Variants in ZYX observed in about 807,000 individuals in gnomAD.
ZYX encodes zyxin, also known as zyxin-2.
A neutral mutation model predicts 58.1 loss-of-function variants in ZYX; 37 were observed. The observed-to-expected ratio is 0.64, with a 90% confidence interval of 0.49 to 0.84. ZYX has a LOEUF of 0.84. ZYX is among the 40% of genes least tolerant of loss of function. The pLI, the probability that ZYX is intolerant of heterozygous loss-of-function variation, is 0.00. For missense variants in ZYX, 762 were observed against 761.6 expected, an observed-to-expected ratio of 1.00 and a Z score of -0.01; for synonymous variants, 324 against 321.1, an observed-to-expected ratio of 1.01 and a Z score of -0.10.
chr7:143,383,780 C>T (rs368285529), intron 5 of ZYX, among the ~76,000 whole-genome samples: 8 of 152,166 alleles, frequency 5.3e-5, no homozygotes, highest in Non-Finnish European at 7.4e-5. Flanking sequence ...GCATCCACCA[C>T]GTGCCAGGCA....
Position 143,384,370 on chromosome 7 carries a change from G to A in ZYX, c.1023+1048G>A, listed in dbSNP as rs1018987107. The A allele has an allele frequency of 1.2e-5, 5 of 424,862 alleles. 1 individual carries two copies. Among genetic ancestry groups the A allele is most frequent in the South Asian group, 5.1e-5 (3 of 58,754 alleles). 26.3% of individuals were successfully genotyped at this position (424,862 alleles called of 1,614,324 possible). A position where few individuals can be genotyped will look rare whatever the true frequency, so the allele number is the denominator to read the frequency against. On this transcript the variant is annotated intron_variant, in intron 5 of 9. Transcript: ENST00000322764. This position sits in a 1 kb window ranked among gnomAD's most constrained non-coding sequence, Gnocchi z 4.9. ...ATGTTTGGAGAACAGAAAGTGGAAG[G>A]TTCCTGTAGGAAAATGATAGAGCTA... is the stretch of plus-strand genomic sequence containing the variant.
In ZYX at chr7:143,388,703, C is replaced by A; in HGVS notation, c.1314+45C>A. On this transcript the variant is annotated intron_variant, in intron 7 of 9. Transcript: ENST00000322764. This position sits in a 1 kb window ranked among gnomAD's most constrained non-coding sequence, Gnocchi z 7.5. ...GCTGTGCTGGGCTGTGCTGGGCAGT[C>A]GGGCCCTGGAAGCTTGCTGTGGGGT... 6.2e-7 allele frequency: 1 copy of A among 1,607,092 alleles called. No homozygotes were observed.
In ZYX at chr7:143,382,640, C is replaced by T. The variant is rs2116559567; in HGVS notation, c.456C>T (p.Ser152=). Residue 152 remains serine, a synonymous_variant, in exon 4 of 10, where the codon TCC becomes TCT. Transcript: ENST00000322764. ...TTGATTTGGAGATCGACTCTCTGTC[C>T]TCACTGCTGGATGACATGACCAAGA... The part of the protein sequence containing the change: ...SSIDLEIDSL[S]SLLDDMTKND... The T allele has an allele frequency of 6.2e-6, 10 of 1,614,102 alleles. No homozygotes were observed. Among genetic ancestry groups the T allele is most frequent in the Admixed American group, 5.0e-5 (3 of 60,020 alleles).
In ZYX at chr7:143,382,319, CCG is replaced by C; in HGVS notation, c.282_283del (p.Pro95AlafsTer33). On this transcript the variant is annotated frameshift_variant, in exon 3 of 10. Coordinates refer to ENST00000322764, the MANE Select transcript of ZYX (RefSeq NM_003461.5). LOFTEE classifies it high-confidence loss of function. Reference sequence around the variant, plus strand: ...AGAGGGTGCTCTGGGAGGTGCCTTCCCGCCGCCCCCTCCCCCGATCGAGGAAT... The same window carrying C: ...AGAGGGTGCTCTGGGAGGTGCCTTCCCCGCCCCCTCCCCCGATCGAGGAAT... ...DAEGALGGAF[P>X]PPPPPIEESF... 1 of 1,609,942 alleles carries C rather than the reference CCG, an allele frequency of 6.2e-7. No homozygotes were observed. Among genetic ancestry groups the C allele is most frequent in the African/African-American group, 1.3e-5 (1 of 74,904 alleles).
In ZYX at chr7:143,390,215, C is replaced by T. The variant is rs989161293; in HGVS notation, c.1614+238C>T. ...TGGATAAGCCAAGAAATGGGACAAG[C>T]CAATAGGAGAGAAGAAGGGCATGGT... On this transcript the variant is annotated intron_variant, in intron 9 of 9. Coordinates refer to ENST00000322764, the MANE Select transcript of ZYX (RefSeq NM_003461.5). This position sits in a 1 kb window ranked among gnomAD's most constrained non-coding sequence, Gnocchi z 4.3. 7 of 569,842 alleles carry T rather than the reference C, an allele frequency of 1.2e-5. No homozygotes were observed. In the Admixed American group the frequency reaches 1.2e-4, roughly 10 times the overall value. 35.3% of individuals were successfully genotyped at this position (569,842 alleles called of 1,614,324 possible).
chr7:143,389,793 A>G lies in ZYX; in HGVS notation c.1494-64A>G. The G allele has an allele frequency of 6.3e-7, 1 of 1,596,852 alleles. No homozygotes were observed. The highest frequency in any genetic ancestry group is 8.5e-7 in the Non-Finnish European group (1 of 1,173,566). On this transcript the variant is annotated intron_variant, in intron 8 of 9. Coordinates refer to ENST00000322764, the MANE Select transcript of ZYX (RefSeq NM_003461.5). The surrounding 1 kb of genome is among the most constrained non-coding windows in gnomAD (Gnocchi z 5.6). ...GCTTCCTTGCTGCCCAACCTGGCTT[A>G]TGCGTGCGCACACCGGGGATGAAAG...
At chr7:143,381,528 G>C in intron 1 of ZYX, 29 bp from the exon 2 acceptor site, 1 of 1,584,754 alleles carries the variant, frequency 6.3e-7, no homozygotes, top group Non-Finnish European at 8.6e-7. Flanking sequence ...GCCCGGCTCC[G>C]CGCTGCGTAA....
chr7:143,389,734 T>C lies in ZYX; in HGVS notation c.1494-123T>C. 1 of 1,418,592 alleles carries C rather than the reference T, an allele frequency of 7.0e-7. No homozygotes were observed. The highest frequency in any genetic ancestry group is 9.5e-7 in the Non-Finnish European group (1 of 1,052,394). 87.9% of individuals were successfully genotyped at this position (1,418,592 alleles called of 1,614,324 possible). A position where few individuals can be genotyped will look rare whatever the true frequency, so the allele number is the denominator to read the frequency against. On this transcript the variant is annotated intron_variant, in intron 8 of 9. Transcript: ENST00000322764. This position sits in a 1 kb window ranked among gnomAD's most constrained non-coding sequence, Gnocchi z 5.6. ...TCACTCTTAGGCCCTTCTGGTGAGC[T>C]TCCTTCACCTGGAGATGCAGGGCAG...
chr7:143,390,192 G>A lies in ZYX; in HGVS notation c.1614+215G>A. On this transcript the variant is annotated intron_variant, in intron 9 of 9. Transcript: ENST00000322764. The surrounding 1 kb of genome is among the most constrained non-coding windows in gnomAD (Gnocchi z 4.3). The stretch of plus-strand genomic sequence containing the variant: ...GCTTCTGAGGTCACTTTGAGTCATG[G>A]ATAAGCCAAGAAATGGGACAAGCCA... The A allele has an allele frequency of 1.6e-6, 1 of 616,772 alleles. No individual in the cohort carries two copies. Among genetic ancestry groups the A allele is most frequent in the Non-Finnish European group, 2.8e-6 (1 of 360,908 alleles). 38.2% of individuals were successfully genotyped at this position (616,772 alleles called of 1,614,324 possible). A position where few individuals can be genotyped will look rare whatever the true frequency, so the allele number is the denominator to read the frequency against.
rs1324730006 is a variant in ZYX at position 143,390,516 on chromosome 7, G to T, written c.1615-62G>T. Reference sequence around the variant, plus strand: ...TCCAAGATGGAGCTGGATGGGGTGGGGTAGGGTGGAGCAGAGCAGGGGCCT... The same window carrying T: ...TCCAAGATGGAGCTGGATGGGGTGGTGTAGGGTGGAGCAGAGCAGGGGCCT... On this transcript the variant is annotated intron_variant, in intron 9 of 9. Coordinates refer to ENST00000322764, the MANE Select transcript of ZYX (RefSeq NM_003461.5). This position sits in a 1 kb window ranked among gnomAD's most constrained non-coding sequence, Gnocchi z 4.3. 3 of 1,234,552 alleles carry T rather than the reference G, an allele frequency of 2.4e-6. No homozygotes were observed. Among genetic ancestry groups the T allele is most frequent in the Non-Finnish European group, 3.5e-6 (3 of 864,178 alleles). The allele number at this position is 1,234,552 out of a possible 1,614,324, so 76.5% of individuals were successfully genotyped here.
chr7:143,382,479 G>A, intron 3 of ZYX, 32 bp downstream of exon 3: 1 of 1,590,974 alleles, frequency 6.3e-7, no homozygotes, highest in Non-Finnish European at 8.6e-7. Flanking sequence ...GGCTGCACTG[G>A]ACACCCCCAA....
chr7:143,382,248 A>G lies in ZYX; in HGVS notation c.209A>G (p.Asp70Gly), dbSNP rs536050297. 55 of 1,612,020 alleles carry G rather than the reference A, an allele frequency of 3.4e-5. 1 individual carries two copies. In the South Asian group the frequency reaches 4.7e-4, roughly 14 times the overall value. ...VGEIPPPPPE[D>G]FPLPPPPLAG... ...GACGTCTTTCTCCTTCCTACCCCAG[A>G]CTTTCCCCTGCCTCCACCTCCCCTT... The change falls in exon 3 of 10, where the codon GAC (aspartate) becomes GGC (glycine). Residue 70 changes from aspartate (D) to glycine (G), a missense_variant and splice_region_variant. By Grantham distance (94) the Asp-to-Gly change is moderately conservative (BLOSUM62 -1). Transcript: ENST00000322764.
chr7:143,385,658 A>ATTTTTTT (rs1804832372), intron 5 of ZYX, among the ~76,000 whole-genome samples: 1 of 80,568 alleles, frequency 1.2e-5, no homozygotes, highest in Non-Finnish European at 2.4e-5. Flanking sequence ...GGTGTGGTAT[A>ATTTTTTT]TCTTTTTTTT....
chr7:143,385,474 GTA>G (rs1457200416), intron 5 of ZYX, among the ~76,000 whole-genome samples: 4 of 151,678 alleles, frequency 2.6e-5, no homozygotes, highest in Admixed American at 6.6e-5. Flanking sequence ...TTGTGTGAAA[GTA>G]TGTGTATATG....
At position 143,388,705 on chromosome 7, in the gene ZYX, G is replaced by A. The variant is rs1275432623; in HGVS notation, c.1314+47G>A. 4.4e-6 allele frequency: 7 copies of A among 1,607,552 alleles called. No homozygotes were observed. The highest frequency in any genetic ancestry group is 5.9e-6 in the Non-Finnish European group (7 of 1,176,740). ...TGTGCTGGGCTGTGCTGGGCAGTCG[G>A]GCCCTGGAAGCTTGCTGTGGGGTGC... On this transcript the variant is annotated intron_variant, in intron 7 of 9. Coordinates refer to ENST00000322764, the MANE Select transcript of ZYX (RefSeq NM_003461.5). This position sits in a 1 kb window ranked among gnomAD's most constrained non-coding sequence, Gnocchi z 7.5.
rs538628292 is a variant in ZYX, at chr7:143,390,383, T to C, written c.1615-195T>C. 101 of 593,022 alleles carry C rather than the reference T, an allele frequency of 1.7e-4. No individual in the cohort carries two copies. The highest frequency in any genetic ancestry group is 1.6e-3 in the African/African-American group (84 of 53,774). 36.7% of individuals were successfully genotyped at this position (593,022 alleles called of 1,614,324 possible). A position where few individuals can be genotyped will look rare whatever the true frequency, so the allele number is the denominator to read the frequency against. On this transcript the variant is annotated intron_variant, in intron 9 of 9. Transcript: ENST00000322764. This position sits in a 1 kb window ranked among gnomAD's most constrained non-coding sequence, Gnocchi z 4.3. ...GCAGCTCTACCCACTGCTTGCCCTC[T>C]TGCAGGAAGGTCCTAGTGGGTGACT...
chr7:143,390,730 C>T lies in ZYX; in HGVS notation c.*48C>T, dbSNP rs903790869. On this transcript the variant is annotated 3_prime_UTR_variant, in exon 10 of 10. Transcript: ENST00000322764. This position sits in a 1 kb window ranked among gnomAD's most constrained non-coding sequence, Gnocchi z 4.3. ...CCGCAGTCCATGCCCCATTGTGGAC[C>T]ACCCACACTGAGACCACCTGCCCCC... 13 of 1,405,572 alleles carry T rather than the reference C, an allele frequency of 9.2e-6. No homozygotes were observed. The African/African-American group carries it at 9.9e-5, about 11-fold the overall frequency. 87.1% of individuals were successfully genotyped at this position (1,405,572 alleles called of 1,614,324 possible).
Position 143,381,694 on chromosome 7 carries a change from CG to C in ZYX, c.127del (p.Asp43ThrfsTer99), listed in dbSNP as rs1315517246. 6.2e-7 allele frequency: 1 copy of C among 1,606,828 alleles called. No homozygotes were observed. Among genetic ancestry groups the C allele is most frequent in the South Asian group, 1.1e-5 (1 of 90,332 alleles). ...PKPKVNPFRP[G>X]DSEPPPAPGA... ...AGCCCAAAGTGAATCCCTTCCGGCC[CG>C]GGGACAGCGAGCCTCCCCCGGCACC... On this transcript the variant is annotated frameshift_variant, in exon 2 of 10. Coordinates refer to ENST00000322764, the MANE Select transcript of ZYX (RefSeq NM_003461.5). LOFTEE classifies it high-confidence loss of function.
In ZYX at chr7:143,390,460, C is replaced by G. The variant is rs1805029936; in HGVS notation, c.1615-118C>G. 3.9e-6 allele frequency: 3 copies of G among 768,404 alleles called. No individual in the cohort carries two copies. The highest frequency in any genetic ancestry group is 6.4e-6 in the Non-Finnish European group (3 of 468,898). 47.6% of individuals were successfully genotyped at this position (768,404 alleles called of 1,614,324 possible). On this transcript the variant is annotated intron_variant, in intron 9 of 9. Coordinates refer to ENST00000322764, the MANE Select transcript of ZYX (RefSeq NM_003461.5). This position sits in a 1 kb window ranked among gnomAD's most constrained non-coding sequence, Gnocchi z 4.3. ...GGTGTGGCTGGAAAAAGCGATGACA[C>G]CAGCTCTGAGCCATGAAGCATCTTT...
Sources: gnomAD v4.1 joint callset for allele counts (sites outside exome capture counted in the v4.1 genomes callset) on GRCh38, gnomAD v4.1.1 for gene constraint, Gnocchi (gnomAD v3.1) non-coding constraint, MANE v1.5 for transcripts, NCBI Gene and HGNC (gene_info 2026-07-23, HGNC 2026-07-21) for gene names.